CDH12: variants seen among roughly 807,000 people sequenced by gnomAD.
CDH12 encodes the protein cadherin 12.
Under a neutral mutation model 74.1 loss-of-function variants are expected in CDH12, and 41 were observed. That is an observed-to-expected ratio of 0.55 (90% CI 0.43 to 0.72). The LOEUF is 0.72. Among genes scored for constraint, CDH12 ranks in the 30% least tolerant of loss-of-function variants. The pLI is 0.00. For missense variants in CDH12, 945 were observed against 977.2 expected (o/e 0.97, Z 0.44); for synonymous variants, 399 against 355.0 (o/e 1.12, Z -1.39).
chr5:21,913,170 GGGA>G (rs1753939154), intron 6 of CDH12, among the ~76,000 whole-genome samples: 2 of 152,144 alleles, frequency 1.3e-5, no homozygotes, highest in Non-Finnish European at 2.9e-5. Flanking sequence ...ATTCATCTTA[GGGA>G]AGATGGATTC....
chr5:22,474,270 G>C (rs1350149835), intron 2 of CDH12, among the ~76,000 whole-genome samples: 3 of 152,130 alleles, frequency 2.0e-5, no homozygotes. Context: ...CAAAGGAAAA[G>C]CCAAGAACTG....
chr5:21,767,607 T>C (rs1745099255), intron 11 of CDH12, among the ~76,000 whole-genome samples: 1 of 151,666 alleles, frequency 6.6e-6, no homozygotes, highest in African/African-American at 2.4e-5. Context: ...CTAAATTTCC[T>C]GAAGATTAAA....
chr5:22,803,669 C>T (rs558624303), intron 1 of CDH12, among the ~76,000 whole-genome samples: 1 of 152,194 alleles, frequency 6.6e-6, no homozygotes, highest in East Asian at 1.9e-4. Context: ...AATACTTCAC[C>T]TTGGCCGCAC....
At chr5:21,941,019 G>A (rs180845067) in intron 6 of CDH12, among the ~76,000 whole-genome samples, 184 of 152,266 alleles carry the variant, frequency 1.2e-3, no homozygotes, top group African/African-American at 4.2e-3. Context: ...GAGAGTCAAA[G>A]ACTTCCAAGC....
In CDH12 at chr5:22,137,331, T is replaced by C. The variant is rs916647890; in HGVS notation, c.-186-58469A>G. 2.6e-5 allele frequency among the ~76,000 whole-genome samples: 4 copies of C among 152,070 alleles called. No individual in the cohort carries two copies. The East Asian group carries it at 7.7e-4, about 29-fold the overall frequency. ...CCTTCCCAGCTTTGTCTTATAGTTA[T>C]AATATGCAAACTATTGGCATAATTC... On this transcript the variant is annotated intron_variant, in intron 4 of 14. Coordinates refer to ENST00000382254, the MANE Select transcript of CDH12 (RefSeq NM_004061.5).
chr5:21,799,012 G>T (rs574917384), intron 10 of CDH12, among the ~76,000 whole-genome samples: 22 of 152,122 alleles, frequency 1.4e-4, no homozygotes, highest in South Asian at 2.1e-4. Context: ...TCTGTTAAAG[G>T]TTCAGAAAGA....
chr5:22,162,681 T>A (rs1413865015), intron 4 of CDH12, among the ~76,000 whole-genome samples: 1 of 152,102 alleles, frequency 6.6e-6, no homozygotes, highest in Non-Finnish European at 1.5e-5. Flanking sequence ...GTAATAAACT[T>A]ACAAATAAAG....
At position 21,844,758 on chromosome 5, in the gene CDH12, A is replaced by G. The variant is rs556606027; in HGVS notation, c.647-2430T>C. ...GGATAGCTTTTTATATAGGTTGGCA[A>G]ATAACCAGAAAAAAACAATTCCACA... On this transcript the variant is annotated intron_variant, in intron 7 of 14. Transcript: ENST00000382254. 2.6e-5 allele frequency among the ~76,000 whole-genome samples: 4 copies of G among 152,284 alleles called. No homozygotes were observed. The South Asian group carries it at 8.3e-4, about 32-fold the overall frequency.
In CDH12 at chr5:21,878,846, GGAGA is replaced by G. The variant is rs374932496; in HGVS notation, c.527-24060_527-24057del. 7.9e-4 allele frequency among the ~76,000 whole-genome samples: 104 copies of G among 131,266 alleles called. 1 individual carries two copies. In the South Asian group the frequency reaches 0.024, roughly 30 times the overall value. The allele number at this position is 131,266 out of a possible 152,430, so 86.1% of individuals were successfully genotyped here. On this transcript the variant is annotated intron_variant, in intron 6 of 14. Coordinates refer to ENST00000382254, the MANE Select transcript of CDH12 (RefSeq NM_004061.5). ...AGAAAAGAAAAGAAAAGAAAGAGAG[GGAGA>G]GAGAGAGAAAGAAAGAAAGAGAGAG...
At chr5:22,812,386 A>G (rs1728261756) in intron 1 of CDH12, among the ~76,000 whole-genome samples, 1 of 152,274 alleles carries the variant, frequency 6.6e-6, no homozygotes, top group African/African-American at 2.4e-5. Flanking sequence ...GCAAACACAT[A>G]TGCTCTACTG....
chr5:21,803,690 C>T (rs1490855670), intron 9 of CDH12, among the ~76,000 whole-genome samples: 1 of 152,224 alleles, frequency 6.6e-6, no homozygotes, highest in East Asian at 1.9e-4. Context: ...ACGAATTTAA[C>T]ATTAACATGG....
At chr5:22,059,765 T>A (rs945403525) in intron 5 of CDH12, among the ~76,000 whole-genome samples, 1 of 152,146 alleles carries the variant, frequency 6.6e-6, no homozygotes, top group African/African-American at 2.4e-5. Context: ...TGGTTAAGTT[T>A]AAAAAAATAA....
chr5:22,688,203 T>C (rs947089187), intron 1 of CDH12, among the ~76,000 whole-genome samples: 30 of 152,246 alleles, frequency 2.0e-4, no homozygotes, highest in African/African-American at 7.2e-4. Flanking sequence ...GCTGTCAAGA[T>C]GTAAGGCATT....
intron 4 of CDH12, among the ~76,000 whole-genome samples, chr5:22,119,488 C>T (rs1448335081): frequency 6.6e-6 from 1 of 151,868 alleles, no homozygotes; most frequent in South Asian, 2.1e-4. Flanking sequence ...TGGGGTTTCA[C>T]CATGTTGGCC....
At chr5:22,584,221 T>C (rs867170736) in intron 1 of CDH12, among the ~76,000 whole-genome samples, 30 of 152,190 alleles carry the variant, frequency 2.0e-4, no homozygotes, top group African/African-American at 6.5e-4. Flanking sequence ...TGCCTCAGCC[T>C]CCCAAGTAGC....
chr5:22,469,578 T>A (rs1348176567), intron 2 of CDH12, among the ~76,000 whole-genome samples: 2 of 152,100 alleles, frequency 1.3e-5, no homozygotes, highest in Non-Finnish European at 2.9e-5. Context: ...AAGACCTTAT[T>A]TCCAAATAAG....
intron 1 of CDH12, among the ~76,000 whole-genome samples, chr5:22,775,657 C>T (rs1330958041): frequency 6.6e-6 from 1 of 151,792 alleles, no homozygotes; most frequent in Non-Finnish European, 1.5e-5. Context: ...TCATGAGAAG[C>T]TCTGTAGAAA....
chr5:21,785,325 G>A (rs1746142300), intron 10 of CDH12, among the ~76,000 whole-genome samples: 2 of 152,054 alleles, frequency 1.3e-5, no homozygotes, highest in Admixed American at 6.6e-5. Flanking sequence ...AAAATAAGTC[G>A]AGTAGTAATT....
At chr5:22,186,219 C>T (rs1034817889) in intron 4 of CDH12, among the ~76,000 whole-genome samples, 8 of 152,174 alleles carry the variant, frequency 5.3e-5, no homozygotes, top group Non-Finnish European at 8.8e-5. Context: ...TTGAAACACA[C>T]ATATATGAAG....
Sources: allele counts gnomAD v4.1 joint callset (sites outside exome capture counted in the v4.1 genomes callset), GRCh38; gene constraint gnomAD v4.1.1; transcripts MANE v1.5; gene names NCBI Gene and HGNC (gene_info 2026-07-23, HGNC 2026-07-21).